The following CDC27 variants were observed in gnomAD, a reference collection of about 807,000 sequenced individuals.
The protein encoded by CDC27 is cell division cycle 27, also known as cell division cycle protein 27 homolog.
CDC27 carries 27 observed loss-of-function variants against 109.7 expected under a neutral mutation model. That is an observed-to-expected ratio of 0.25 (90% CI 0.18 to 0.34). The LOEUF is 0.34. Ranked by LOEUF, CDC27 falls within the 10% of genes least tolerant of loss-of-function variation. CDC27 has a pLI of 1.00. For missense variants in CDC27, 579 were observed against 960.2 expected (o/e 0.60, Z 5.25); for synonymous variants, 266 against 333.9 (o/e 0.80, Z 2.22).
chr17:47,133,062 T>TACAC (rs200816984), intron 14 of CDC27, among the ~76,000 whole-genome samples: 8,437 of 73,732 alleles, frequency 0.11, 773 homozygotes, highest in South Asian at 0.26. Context: ...CACATACATA[T>TACAC]ACACACACAC....
chr17:47,142,108 C>T, intron 11 of CDC27, 83 bp from the exon 12 acceptor site: 2 of 1,204,110 alleles, frequency 1.7e-6, no homozygotes, highest in Non-Finnish European at 2.3e-6. Flanking sequence ...ACAAACTAAT[C>T]TATTAAAAAT....
chr17:47,138,613 G>T, intron 13 of CDC27, 126 bp downstream of exon 13: 1 of 621,342 alleles, frequency 1.6e-6, no homozygotes, highest in East Asian at 3.0e-5. Context: ...CCTGACTAGA[G>T]AGAGAGGAAA....
At chr17:47,169,271 G>A (rs753097423) in intron 4 of CDC27, among the ~76,000 whole-genome samples, 1 of 151,946 alleles carries the variant, frequency 6.6e-6, no homozygotes, top group African/African-American at 2.4e-5. Flanking sequence ...GATTACAGGC[G>A]TGAGACAATG....
At chr17:47,121,513 C>T (rs1385906518) in intron 18 of CDC27, among the ~76,000 whole-genome samples, 1 of 152,192 alleles carries the variant, frequency 6.6e-6, no homozygotes, top group Non-Finnish European at 1.5e-5. Context: ...TCATAGCTCA[C>T]TGCAGCCTCA....
intron 4 of CDC27, among the ~76,000 whole-genome samples, chr17:47,164,725 G>A (rs1390078145): frequency 1.3e-5 from 2 of 152,124 alleles, no homozygotes; most frequent in African/African-American, 2.4e-5. Flanking sequence ...GCTGAGGCAC[G>A]AGAACTGCTT....
intron 1 of CDC27, among the ~76,000 whole-genome samples, chr17:47,186,843 C>G (rs1330397720): frequency 2.0e-5 from 3 of 152,042 alleles, no homozygotes; most frequent in Non-Finnish European, 4.4e-5. Context: ...CTGAGGCATT[C>G]CAAGAAAGAA....
intron 2 of CDC27, among the ~76,000 whole-genome samples, chr17:47,178,969 T>G (rs2064122121): frequency 6.6e-6 from 1 of 152,130 alleles, no homozygotes; most frequent in African/African-American, 2.4e-5. Context: ...CACCGGCTAA[T>G]TTTGTATTTT....
chr17:47,182,798 T>C (rs981485842), intron 1 of CDC27, among the ~76,000 whole-genome samples: 6 of 152,212 alleles, frequency 3.9e-5, no homozygotes, highest in Non-Finnish European at 5.9e-5. Flanking sequence ...TGTTTTTTTG[T>C]TTTGTTTTGT....
At chr17:47,184,979 C>T (rs2064377049) in intron 1 of CDC27, among the ~76,000 whole-genome samples, 1 of 152,148 alleles carries the variant, frequency 6.6e-6, no homozygotes, top group Admixed American at 6.5e-5. Flanking sequence ...GCTCCTCTCC[C>T]TCTCCCCTAA....
chr17:47,132,465 G>T, intron 14 of CDC27, 91 bp from the exon 15 acceptor site: 1 of 537,154 alleles, frequency 1.9e-6, no homozygotes, highest in Non-Finnish European at 3.1e-6. Context: ...ATAGAATCTG[G>T]CATTTTAATA....
intron 4 of CDC27, among the ~76,000 whole-genome samples, chr17:47,164,906 AT>A (rs1179815026): frequency 6.6e-6 from 1 of 152,222 alleles, no homozygotes; most frequent in Non-Finnish European, 1.5e-5. Flanking sequence ...AGAGAATATT[AT>A]CACATTTACA....
intron 2 of CDC27, 125 bp downstream of exon 2, chr17:47,181,437 A>T: frequency 1.9e-6 from 1 of 533,140 alleles, no homozygotes; most frequent in Non-Finnish European, 3.4e-6. Context: ...AGATTTTATG[A>T]ACTAGTGTCA....
chr17:47,181,008 T>C (rs999806551), intron 2 of CDC27, among the ~76,000 whole-genome samples: 2 of 148,334 alleles, frequency 1.3e-5, no homozygotes, highest in African/African-American at 5.0e-5. Flanking sequence ...TCCCAGCACT[T>C]TGGGAGGCCA....
chr17:47,123,280 T>G (rs978982947), intron 17 of CDC27, among the ~76,000 whole-genome samples: 3 of 152,180 alleles, frequency 2.0e-5, no homozygotes, highest in Non-Finnish European at 4.4e-5. Flanking sequence ...TCACCTTAAC[T>G]AATTGGCATA....
chr17:47,178,943 C>T lies in CDC27; in HGVS notation c.103+2619G>A, dbSNP rs147557114. 4.9e-4 allele frequency among the ~76,000 whole-genome samples: 75 copies of T among 152,288 alleles called. 1 individual carries two copies. The East Asian group carries it at 0.014, about 28-fold the overall frequency. On this transcript the variant is annotated intron_variant, in intron 2 of 18. Transcript: ENST00000066544. ...TCAGCCTCCTGGGTGGCTGGGATTA[C>T]AGGCATGTGCCACTACACCGGCTAA...
intron 4 of CDC27, among the ~76,000 whole-genome samples, chr17:47,161,508 T>C (rs1333068642): frequency 6.6e-6 from 1 of 152,160 alleles, no homozygotes; most frequent in Non-Finnish European, 1.5e-5. Context: ...CTCAGCACTT[T>C]GGGAGGCCAA....
intron 17 of CDC27, 45 bp from the exon 18 acceptor site, chr17:47,122,645 T>C: frequency 6.9e-7 from 1 of 1,445,180 alleles, no homozygotes; most frequent in African/African-American, 1.4e-5. Context: ...AGTTGTGAGC[T>C]TCAACTATAA....
intron 4 of CDC27, chr17:47,159,906 C>G (rs1426668810): frequency 2.5e-6 from 1 of 404,024 alleles, no homozygotes; most frequent in East Asian, 8.3e-5. Flanking sequence ...TACTCCTTAT[C>G]CTTGGCCTTG....
rs920710810 is a variant in CDC27 at position 47,189,276 on chromosome 17, G to A, written c.-104C>T. On this transcript the variant is annotated 5_prime_UTR_variant, in exon 1 of 19. Coordinates refer to ENST00000066544, the MANE Select transcript of CDC27 (RefSeq NM_001256.6). Reference sequence around the variant, plus strand: ...TTAAACTCACCAGCGACCGTTACCGGGGGATGGGGGAGGCCGAGCGATTGC... The same window carrying A: ...TTAAACTCACCAGCGACCGTTACCGAGGGATGGGGGAGGCCGAGCGATTGC... 1.4e-4 allele frequency: 119 copies of A among 880,356 alleles called. No individual in the cohort carries two copies. The African/African-American group carries it at 1.6e-3, about 12-fold the overall frequency. 54.5% of individuals were successfully genotyped at this position (880,356 alleles called of 1,614,324 possible).
Sources: allele counts gnomAD v4.1 joint callset (sites outside exome capture counted in the v4.1 genomes callset), GRCh38; gene constraint gnomAD v4.1.1; transcripts MANE v1.5; gene names NCBI Gene and HGNC (gene_info 2026-07-23, HGNC 2026-07-21).